The following RMDN1 variants were observed in gnomAD, a reference collection of about 807,000 sequenced individuals.
RMDN1 encodes regulator of microtubule dynamics 1, also known as regulator of microtubule dynamics protein 1.
A neutral mutation model predicts 48.9 loss-of-function variants in RMDN1; 48 were observed. The observed-to-expected ratio is 0.98, with a 90% confidence interval of 0.78 to 1.25. RMDN1 has a LOEUF of 1.25. RMDN1 is among the 50% of genes most tolerant of loss of function. The pLI is 0.00. For synonymous variants in RMDN1, 148 were observed against 132.6 expected, an observed-to-expected ratio of 1.12 and a Z score of -0.80; for missense variants, 418 against 373.4, an observed-to-expected ratio of 1.12 and a Z score of -0.98.
intron 2 of RMDN1, chr8:86,504,276 C>T: frequency 1.3e-6 from 2 of 1,573,594 alleles, no homozygotes; most frequent in Non-Finnish European, 1.7e-6. Flanking sequence ...AGTTGTGGGG[C>T]ACCCAGGATG....
chr8:86,500,625 A>C (rs1818050819), intron 2 of RMDN1, among the ~76,000 whole-genome samples: 1 of 152,184 alleles, frequency 6.6e-6, no homozygotes. Context: ...CGTAGAAAGC[A>C]GTTTGGAGAT....
In RMDN1 at chr8:86,484,857, A is replaced by AT; in HGVS notation, c.585+14dup. 2 of 1,488,108 alleles carry AT rather than the reference A, an allele frequency of 1.3e-6. No individual in the cohort carries two copies. Among genetic ancestry groups the AT allele is most frequent in the Non-Finnish European group, 1.8e-6 (2 of 1,083,812 alleles). 92.2% of individuals were successfully genotyped at this position (1,488,108 alleles called of 1,614,324 possible). A position where few individuals can be genotyped will look rare whatever the true frequency, so the allele number is the denominator to read the frequency against. On this transcript the variant is annotated intron_variant, in intron 5 of 9. Transcript: ENST00000406452. ...TGACTTTTAAAATTCATGAATTTGA[A>AT]TAATTCATCAGTACCTCAAAATGCT...
intron 8 of RMDN1, 97 bp downstream of exon 8, chr8:86,477,197 C>G: frequency 1.2e-6 from 1 of 826,972 alleles, no homozygotes; most frequent in Non-Finnish European, 1.8e-6. Context: ...ATAAGTATAA[C>G]AGAATAAACA....
intron 3 of RMDN1, among the ~76,000 whole-genome samples, 164 bp downstream of exon 3, chr8:86,488,388 G>T (rs752243697): frequency 2.0e-4 from 31 of 152,030 alleles, no homozygotes; most frequent in African/African-American, 6.3e-4. Flanking sequence ...AGCATTTAAC[G>T]TAAGAAACAA....
In RMDN1 at chr8:86,473,175, G is replaced by GACAA. The variant is rs1486533954; in HGVS notation, c.*1129_*1132dup. On this transcript the variant is annotated 3_prime_UTR_variant, in exon 10 of 10. Coordinates refer to ENST00000406452, the MANE Select transcript of RMDN1 (RefSeq NM_016033.3). ...TTCCTTTTTGTTTGAAAATGTACAT[G>GACAA]ACAAACATATCCATACAGTTCATTG... 2 of 984,926 alleles carry GACAA rather than the reference G, an allele frequency of 2.0e-6. No individual in the cohort carries two copies. Among genetic ancestry groups the GACAA allele is most frequent in the African/African-American group, 3.5e-5 (2 of 57,156 alleles). 61.0% of individuals were successfully genotyped at this position (984,926 alleles called of 1,614,324 possible).
At chr8:86,500,118 C>T (rs1817973750) in intron 2 of RMDN1, among the ~76,000 whole-genome samples, 2 of 151,874 alleles carry the variant, frequency 1.3e-5, no homozygotes, top group South Asian at 2.1e-4. Flanking sequence ...GGACATAGGC[C>T]CTGGCAAAGA....
rs767916080 is a variant in RMDN1, at chr8:86,474,331, T to C, written c.922A>G (p.Thr308Ala). 1.2e-6 allele frequency: 2 copies of C among 1,613,606 alleles called. No individual in the cohort carries two copies. Among genetic ancestry groups the C allele is most frequent in the South Asian group, 2.2e-5 (2 of 91,038 alleles). ...TCTCAATTCTTCTCACTGAAACTTG[T>C]AAGCAACTGAGCAGCTTCTGTCTGT... ...QIQTEAAQLL[T>A]SFSEKN The change falls in exon 10 of 10, where the codon ACA (threonine) becomes GCA (alanine). Residue 308 changes from threonine (T) to alanine (A), a missense_variant. By Grantham distance (58) the Thr-to-Ala change is moderately conservative (BLOSUM62 0). Transcript: ENST00000406452.
chr8:86,501,189 T>C (rs1378256705), intron 2 of RMDN1, among the ~76,000 whole-genome samples: 1 of 152,086 alleles, frequency 6.6e-6, no homozygotes, highest in Non-Finnish European at 1.5e-5. Flanking sequence ...GTGTACCCTC[T>C]GAATCTAAAA....
intron 5 of RMDN1, 98 bp downstream of exon 5, chr8:86,484,774 A>G (rs1474923300): frequency 4.8e-6 from 3 of 622,046 alleles, no homozygotes; most frequent in Non-Finnish European, 8.4e-6. Flanking sequence ...CACTGTTATC[A>G]TAGGTGGTTT....
chr8:86,483,254 T>C (rs539321467), intron 5 of RMDN1, among the ~76,000 whole-genome samples: 4 of 152,338 alleles, frequency 2.6e-5, no homozygotes, highest in Middle Eastern at 3.4e-3. Context: ...ATATAAAACA[T>C]TGTTTTTTAT....
intron 2 of RMDN1, among the ~76,000 whole-genome samples, chr8:86,491,681 C>T (rs1346658951): frequency 6.6e-6 from 1 of 152,138 alleles, no homozygotes; most frequent in Non-Finnish European, 1.5e-5. Context: ...CATGTTAATT[C>T]ACCTAAAACT....
chr8:86,492,990 G>A (rs1816752591), intron 2 of RMDN1, among the ~76,000 whole-genome samples: 1 of 150,096 alleles, frequency 6.7e-6, no homozygotes. Flanking sequence ...GGAATTATTT[G>A]AAGATCAATT....
chr8:86,479,833 C>A (rs1042236886), intron 6 of RMDN1, among the ~76,000 whole-genome samples: 1 of 152,062 alleles, frequency 6.6e-6, no homozygotes, highest in African/African-American at 2.4e-5. Context: ...GATAAAGCCT[C>A]ATACCAGCAA....
chr8:86,473,961 T>TAC lies in RMDN1; in HGVS notation c.*346_*347insGT. 3 of 1,032,802 alleles carry TAC rather than the reference T, an allele frequency of 2.9e-6. No homozygotes were observed. The highest frequency in any genetic ancestry group is 3.5e-6 in the Non-Finnish European group (3 of 860,234). 64.0% of individuals were successfully genotyped at this position (1,032,802 alleles called of 1,614,324 possible). A position where few individuals can be genotyped will look rare whatever the true frequency, so the allele number is the denominator to read the frequency against. ...CAATTTGAAAATCCATCCCCCTGTATATCCCCTATAGATCCATTTCCCCTC... is the reference window on the plus strand; with the variant it reads ...CAATTTGAAAATCCATCCCCCTGTATACATCCCCTATAGATCCATTTCCCCTC... On this transcript the variant is annotated 3_prime_UTR_variant, in exon 10 of 10. Coordinates refer to ENST00000406452, the MANE Select transcript of RMDN1 (RefSeq NM_016033.3).
rs773404997 is a variant in RMDN1, at chr8:86,474,828, C to A, written c.886G>T (p.Asp296Tyr). The A allele has an allele frequency of 6.2e-7, 1 of 1,607,292 alleles. No individual in the cohort carries two copies. Among genetic ancestry groups the A allele is most frequent in the Admixed American group, 1.7e-5 (1 of 58,244 alleles). ...AKDYPAHTEEDKQIQTEAAQL... is the reference protein window; with the variant it reads ...AKDYPAHTEEYKQIQTEAAQL... ...TATGGGAGATGTTTTACCTGTTTAT[C>A]CTCCTCTGTGTGTGCTGGATAGTCC... Residue 296 changes from aspartate to tyrosine, a missense_variant, in exon 9 of 10, where the codon GAT becomes TAT. Transcript: ENST00000406452.
downstream of RMDN1, among the ~76,000 whole-genome samples, chr8:86,471,387 G>GA (rs1250548583): frequency 6.6e-6 from 1 of 150,772 alleles, no homozygotes; most frequent in African/African-American, 2.4e-5. Context: ...CATCCCTAGG[G>GA]AAAAAAAATA....
At chr8:86,485,860 G>A (rs1378919234) in intron 4 of RMDN1, among the ~76,000 whole-genome samples, 2 of 152,214 alleles carry the variant, frequency 1.3e-5, no homozygotes, top group African/African-American at 4.8e-5. Context: ...TAACAGCAGA[G>A]TAGAGAAACA....
chr8:86,506,955 A>G, intron 2 of RMDN1, 40 bp downstream of exon 2: 1 of 1,109,558 alleles, frequency 9.0e-7, no homozygotes, highest in Non-Finnish European at 1.4e-6. Context: ...TACGCACACA[A>G]AAAAACTCTA....
rs1312052084 is a variant in RMDN1 at position 86,504,464 on chromosome 8, G to A, written c.247+2531C>T. The A allele has an allele frequency of 1.8e-5, 28 of 1,555,244 alleles. No homozygotes were observed. In the Admixed American group the frequency reaches 3.5e-4, roughly 20 times the overall value. On this transcript the variant is annotated intron_variant, in intron 2 of 9. Coordinates refer to ENST00000406452, the MANE Select transcript of RMDN1 (RefSeq NM_016033.3). ...AATGTTGTGTTCTATTACTCAACAG[G>A]AATCTTCAAGGATGCAGGTGTTCAA...
Sources: allele counts gnomAD v4.1 joint callset (sites outside exome capture counted in the v4.1 genomes callset), GRCh38; gene constraint gnomAD v4.1.1; transcripts MANE v1.5; gene names NCBI Gene and HGNC (gene_info 2026-07-23, HGNC 2026-07-21).